JPH1: variants seen among roughly 807,000 people sequenced by gnomAD.
JPH1 encodes the protein junctophilin-1.
Under a neutral mutation model 53.6 loss-of-function variants are expected in JPH1, and 12 were observed. That is an observed-to-expected ratio of 0.22 (90% confidence interval 0.14 to 0.36). JPH1 has a LOEUF of 0.36. JPH1 is among the 10% of genes least tolerant of loss of function. JPH1 has a pLI of 1.00. For missense variants in JPH1, 808 were observed against 905.5 expected (o/e 0.89, Z 1.38); for synonymous variants, 375 against 363.8 (o/e 1.03, Z -0.35).
rs1368367739 is a variant in JPH1, at chr8:74,245,081, C to G, written c.1353G>C (p.Glu451Asp). The change falls in exon 4 of 6, where the codon GAG (glutamate) becomes GAC (aspartate). Residue 451 changes from glutamate to aspartate, a missense_variant. Physicochemically the swap from Glu to Asp is conservative, Grantham distance 45 (BLOSUM62 2). Coordinates refer to ENST00000342232, the MANE Select transcript of JPH1 (RefSeq NM_020647.4). ...KVPEKPPTPK[E>D]SPHFYRKGTT... ...TGCCTTTGCGATAAAAATGAGGAGA[C>G]TCCTTTGGTGTAGGTGGCTTTTCTG... is the stretch of plus-strand genomic sequence containing the variant. 6.2e-7 allele frequency: 1 copy of G among 1,613,436 alleles called. No homozygotes were observed. The highest frequency in any genetic ancestry group is 1.1e-5 in the South Asian group (1 of 91,054).
In JPH1 at chr8:74,235,253, T is replaced by C. The variant is rs1806966922; in HGVS notation, c.*1798A>G. ...TGTTCTCAGGTAAAAACGGACTTCC[T>C]AAATTTAAAAGTCAAAGCAAAATGT... On this transcript the variant is annotated 3_prime_UTR_variant, in exon 6 of 6. Coordinates refer to ENST00000342232, the MANE Select transcript of JPH1 (RefSeq NM_020647.4). 1 of 152,658 alleles carries C rather than the reference T, an allele frequency of 6.6e-6. No homozygotes were observed. Among genetic ancestry groups the C allele is most frequent in the African/African-American group, 2.4e-5 (1 of 41,454 alleles). 9.5% of individuals were successfully genotyped at this position (152,658 alleles called of 1,614,324 possible). A position where few individuals can be genotyped will look rare whatever the true frequency, so the allele number is the denominator to read the frequency against.
At chr8:74,290,737 C>A (rs1253772740) in intron 2 of JPH1, among the ~76,000 whole-genome samples, 4 of 152,040 alleles carry the variant, frequency 2.6e-5, no homozygotes, top group African/African-American at 9.7e-5. Flanking sequence ...ACTATACTAC[C>A]AAGCTACAGT....
At chr8:74,273,948 C>T (rs1042682784) in intron 2 of JPH1, among the ~76,000 whole-genome samples, 15 of 152,162 alleles carry the variant, frequency 9.9e-5, no homozygotes, top group Admixed American at 2.0e-4. Context: ...TTTCCCGTCC[C>T]TTAGCCATCT....
At chr8:74,317,807 A>T (rs769661474) in intron 1 of JPH1, among the ~76,000 whole-genome samples, 2 of 152,206 alleles carry the variant, frequency 1.3e-5, no homozygotes, top group Non-Finnish European at 2.9e-5. Context: ...ATTAACAGCT[A>T]GTTTCTTTAA....
chr8:74,244,321 G>A (rs1297226688), intron 4 of JPH1, among the ~76,000 whole-genome samples: 1 of 152,160 alleles, frequency 6.6e-6, no homozygotes, highest in Non-Finnish European at 1.5e-5. Flanking sequence ...GTGGGGCTGG[G>A]TGAACATAGG....
intron 2 of JPH1, among the ~76,000 whole-genome samples, chr8:74,263,958 A>G (rs1401066875): frequency 6.6e-6 from 1 of 152,222 alleles, no homozygotes; most frequent in Non-Finnish European, 1.5e-5. Flanking sequence ...CTTGATAGGG[A>G]TAAGAACCAA....
chr8:74,258,795 T>C (rs1563399641), intron 3 of JPH1, among the ~76,000 whole-genome samples: 1 of 152,246 alleles, frequency 6.6e-6, no homozygotes, highest in South Asian at 2.1e-4. Context: ...AGTTTACTGC[T>C]ATCAGCTCAA....
intron 2 of JPH1, among the ~76,000 whole-genome samples, chr8:74,269,432 T>C (rs1806635255): frequency 6.6e-6 from 1 of 152,264 alleles, no homozygotes; most frequent in Admixed American, 6.5e-5. Context: ...TGTCACTCTG[T>C]TTATTTCACA....
chr8:74,257,091 A>G (rs533936351), intron 3 of JPH1, among the ~76,000 whole-genome samples: 27 of 152,328 alleles, frequency 1.8e-4, no homozygotes, highest in African/African-American at 6.3e-4. Flanking sequence ...AAGAAGATCA[A>G]TAATACCCGC....
At position 74,321,400 on chromosome 8, in the gene JPH1, C is replaced by T. The variant is rs1378154773; in HGVS notation, c.-113G>A. 6 of 1,068,454 alleles carry T rather than the reference C, an allele frequency of 5.6e-6. No individual in the cohort carries two copies. In the East Asian group the frequency reaches 1.9e-4, roughly 35 times the overall value. The allele number at this position is 1,068,454 out of a possible 1,614,324, so 66.2% of individuals were successfully genotyped here. A position where few individuals can be genotyped will look rare whatever the true frequency, so the allele number is the denominator to read the frequency against. On this transcript the variant is annotated 5_prime_UTR_variant, in exon 1 of 6. Transcript: ENST00000342232. The surrounding 1 kb of genome is among the most constrained non-coding windows in gnomAD (Gnocchi z 4.3). ...CGGCGGGCGAGCTCACGACAGCGCC[C>T]TGGGCAGCTCGCGCTGCCGCTCGGC... is the stretch of plus-strand genomic sequence containing the variant.
intron 3 of JPH1, among the ~76,000 whole-genome samples, chr8:74,248,752 T>C (rs1287290578): frequency 5.3e-5 from 8 of 152,214 alleles, no homozygotes; most frequent in African/African-American, 1.2e-4. Flanking sequence ...CCTGGACTAT[T>C]TTCTCTTGGA....
intron 3 of JPH1, among the ~76,000 whole-genome samples, chr8:74,257,784 G>A (rs1344477866): frequency 6.6e-6 from 1 of 152,154 alleles, no homozygotes; most frequent in Non-Finnish European, 1.5e-5. Flanking sequence ...AGGTTTAAAA[G>A]AGATGCGTGT....
rs1226325328 is a variant in JPH1 at position 74,321,406 on chromosome 8, A to C, written c.-119T>G. ...GCGAGCTCACGACAGCGCCCTGGGC[A>C]GCTCGCGCTGCCGCTCGGCTCCAGT... On this transcript the variant is annotated 5_prime_UTR_variant, in exon 1 of 6. Coordinates refer to ENST00000342232, the MANE Select transcript of JPH1 (RefSeq NM_020647.4). This position sits in a 1 kb window ranked among gnomAD's most constrained non-coding sequence, Gnocchi z 4.3. The C allele has an allele frequency of 9.9e-7, 1 of 1,010,438 alleles. No homozygotes were observed. The highest frequency in any genetic ancestry group is 1.3e-6 in the Non-Finnish European group (1 of 753,218). 62.6% of individuals were successfully genotyped at this position (1,010,438 alleles called of 1,614,324 possible). A position where few individuals can be genotyped will look rare whatever the true frequency, so the allele number is the denominator to read the frequency against.
intron 2 of JPH1, among the ~76,000 whole-genome samples, chr8:74,297,744 T>C (rs572613545): frequency 2.6e-5 from 4 of 152,340 alleles, no homozygotes; most frequent in South Asian, 2.1e-4. Context: ...AAGAAAGTTA[T>C]AGATGTGAAT....
rs530341978 is a variant in JPH1, at chr8:74,238,805, G to A, written c.1906-1502C>T. ...CCTGAGTAGCTGAGACCAACAGTGC[G>A]TGCTATCAAACCTGGTTAATTTTTG... On this transcript the variant is annotated intron_variant, in intron 4 of 5. Transcript: ENST00000342232. Among the ~76,000 whole-genome samples the A allele has an allele frequency of 3.7e-4, 56 of 152,234 alleles. No individual in the cohort carries two copies. In the South Asian group the frequency reaches 0.011, roughly 29 times the overall value.
intron 2 of JPH1, among the ~76,000 whole-genome samples, chr8:74,310,682 A>G (rs180962070): frequency 1.3e-5 from 2 of 152,336 alleles, no homozygotes; most frequent in Non-Finnish European, 2.9e-5. Flanking sequence ...CCACAGATCC[A>G]CCATACTTTC....
At chr8:74,300,032 T>C (rs867025890) in intron 2 of JPH1, among the ~76,000 whole-genome samples, 1 of 152,262 alleles carries the variant, frequency 6.6e-6, no homozygotes, top group African/African-American at 2.4e-5. Flanking sequence ...CTACTTACTC[T>C]AGAATCACAT....
intron 2 of JPH1, among the ~76,000 whole-genome samples, chr8:74,306,809 C>A (rs1012634733): frequency 1.3e-5 from 2 of 152,022 alleles, no homozygotes; most frequent in African/African-American, 4.8e-5. Flanking sequence ...GTTGGCCAGG[C>A]TGGTCTCGAA....
intron 3 of JPH1, among the ~76,000 whole-genome samples, chr8:74,252,276 A>C (rs369588834): frequency 1.3e-5 from 2 of 152,206 alleles, no homozygotes; most frequent in Non-Finnish European, 2.9e-5. Context: ...GGACTTCATG[A>C]CTAAAACACC....
Sources: gnomAD v4.1 joint callset for allele counts (sites outside exome capture counted in the v4.1 genomes callset) on GRCh38, gnomAD v4.1.1 for gene constraint, Gnocchi (gnomAD v3.1) non-coding constraint, MANE v1.5 for transcripts, NCBI Gene and HGNC (gene_info 2026-07-23, HGNC 2026-07-21) for gene names.